The following FSD1L variants were observed in gnomAD, a reference collection of about 807,000 sequenced individuals.
The protein encoded by FSD1L is fibronectin type III and SPRY domain containing 1 like.
In FSD1L, 45 loss-of-function variants were observed where a neutral mutation model predicts 71.6. The observed-to-expected ratio is 0.63, with a 90% CI of 0.49 to 0.81. The LOEUF (loss-of-function observed/expected upper bound fraction) is 0.81, where lower values mean the gene tolerates loss of function less well. FSD1L is among the 30% of genes least tolerant of loss of function. The pLI is 0.00. For missense variants in FSD1L, 561 were observed against 618.1 expected (o/e 0.91, Z 0.98); for synonymous variants, 197 against 207.2 (o/e 0.95, Z 0.42).
At position 105,482,151 on chromosome 9, in the gene FSD1L, T is replaced by C. The variant is rs374097973; in HGVS notation, c.465-2230T>C. On this transcript the variant is annotated intron_variant, in intron 6 of 13. Coordinates refer to ENST00000481272, the MANE Select transcript of FSD1L (RefSeq NM_001145313.3). ...ACATATCTGAGCAAGAAATCAAATA[T>C]AAAAAATGAAAATGTCTGTGAAAAC... is the stretch of plus-strand genomic sequence containing the variant. Among the ~76,000 whole-genome samples, 96 of 152,228 alleles carry C rather than the reference T, an allele frequency of 6.3e-4. 1 individual carries two copies. In the South Asian group the frequency reaches 0.019, roughly 31 times the overall value.
intron 8 of FSD1L, among the ~76,000 whole-genome samples, chr9:105,506,909 C>G (rs1483953765): frequency 6.6e-6 from 1 of 151,950 alleles, no homozygotes; most frequent in Non-Finnish European, 1.5e-5. Flanking sequence ...CAAGCTGGGA[C>G]TATAGGCACA....
rs186260949 is a variant in FSD1L, at chr9:105,505,821, C to T, written c.587-578C>T. On this transcript the variant is annotated intron_variant, in intron 7 of 13. Coordinates refer to ENST00000481272, the MANE Select transcript of FSD1L (RefSeq NM_001145313.3). The stretch of plus-strand genomic sequence containing the variant: ...TAGTTTCACCCAGTTCAGACAAGTC[C>T]GTATCACTGGAGGAACATGTTCTAC... Among the ~76,000 whole-genome samples, 307 of 152,270 alleles carry T rather than the reference C, an allele frequency of 2.0e-3. 1 individual carries two copies. Among genetic ancestry groups the T allele is most frequent in the Middle Eastern group, 3.4e-3 (1 of 294 alleles).
intron 10 of FSD1L, among the ~76,000 whole-genome samples, chr9:105,519,496 A>T (rs964872127): frequency 6.6e-6 from 1 of 152,238 alleles, no homozygotes; most frequent in East Asian, 1.9e-4. Context: ...CTGGTTCAAC[A>T]TATAGAAATC....
At chr9:105,521,239 G>A (rs1835133467) in intron 10 of FSD1L, 5 of 1,614,214 alleles carry the variant, frequency 3.1e-6, no homozygotes. Flanking sequence ...GGGATGGAAG[G>A]TGAAGTCTTG....
chr9:105,474,355 G>A (rs140787155), intron 5 of FSD1L, among the ~76,000 whole-genome samples: 221 of 152,306 alleles, frequency 1.5e-3, no homozygotes, highest in African/African-American at 5.0e-3. Context: ...TAGTTATGTG[G>A]CACATTACTG....
chr9:105,501,154 C>T (rs983534580), intron 7 of FSD1L, among the ~76,000 whole-genome samples: 2 of 152,238 alleles, frequency 1.3e-5, no homozygotes, highest in Non-Finnish European at 2.9e-5. Context: ...TTTTTGCACA[C>T]ATTCAAGGTG....
chr9:105,535,287 A>G lies in FSD1L; in HGVS notation c.1347A>G (p.Glu449=). Residue 449 remains glutamate (E), a synonymous_variant, in exon 12 of 14, where the codon GAA becomes GAG. Coordinates refer to ENST00000481272, the MANE Select transcript of FSD1L (RefSeq NM_001145313.3). The stretch of plus-strand genomic sequence containing the variant: ...AAGCTTTGGATGTTACTGTTCCTGA[A>G]AAAATAGGTGTATTTTGTGATTTTG... The part of the protein sequence containing the change: ...KVKALDVTVP[E]KIGVFCDFDG... The G allele has an allele frequency of 1.3e-6, 2 of 1,551,600 alleles. No homozygotes were observed. The highest frequency in any genetic ancestry group is 1.7e-6 in the Non-Finnish European group (2 of 1,146,914).
intron 6 of FSD1L, among the ~76,000 whole-genome samples, chr9:105,482,035 G>T (rs866184354): frequency 6.6e-6 from 1 of 152,082 alleles, no homozygotes; most frequent in African/African-American, 2.4e-5. Flanking sequence ...TCAGCCTTCC[G>T]AAGTGCTGGG....
At chr9:105,497,955 T>TAGTTAG (rs1833519667) in intron 7 of FSD1L, among the ~76,000 whole-genome samples, 1 of 152,072 alleles carries the variant, frequency 6.6e-6, no homozygotes, top group Non-Finnish European at 1.5e-5. Context: ...GGGATCTTCC[T>TAGTTAG]GCCACAGCCT....
In FSD1L at chr9:105,546,338, GT is replaced by G; in HGVS notation, c.1468-13del. ...TCTAGTTTGATTTGCAATCTGACAG[GT>G]TTTTTTGTCTTTTCTTAGGTATGGT... On this transcript the variant is annotated intron_variant, in intron 13 of 13. Coordinates refer to ENST00000481272, the MANE Select transcript of FSD1L (RefSeq NM_001145313.3). 2.0e-6 allele frequency: 3 copies of G among 1,503,938 alleles called. No individual in the cohort carries two copies. Among genetic ancestry groups the G allele is most frequent in the South Asian group, 1.3e-5 (1 of 76,360 alleles). 93.2% of individuals were successfully genotyped at this position (1,503,938 alleles called of 1,614,324 possible).
At chr9:105,513,316 C>T (rs1421555842) in intron 10 of FSD1L, among the ~76,000 whole-genome samples, 1 of 152,126 alleles carries the variant, frequency 6.6e-6, no homozygotes, top group Non-Finnish European at 1.5e-5. Flanking sequence ...AGGTACAACC[C>T]TAGGGTCTTG....
At chr9:105,451,481 T>C (rs1404835526) in intron 1 of FSD1L, among the ~76,000 whole-genome samples, 1 of 152,212 alleles carries the variant, frequency 6.6e-6, no homozygotes, top group African/African-American at 2.4e-5. Flanking sequence ...TTTTTGTTTG[T>C]GAAAATAACT....
chr9:105,484,087 G>T (rs979556222), intron 6 of FSD1L, among the ~76,000 whole-genome samples: 2 of 152,026 alleles, frequency 1.3e-5, no homozygotes, highest in Non-Finnish European at 2.9e-5. Context: ...TGTTGAGTCT[G>T]GTAAGGATTA....
At chr9:105,494,155 G>C (rs1271780611) in intron 7 of FSD1L, among the ~76,000 whole-genome samples, 3 of 151,970 alleles carry the variant, frequency 2.0e-5, no homozygotes, top group Non-Finnish European at 4.4e-5. Flanking sequence ...ACATAGATTT[G>C]GTCTTTTCAC....
intron 7 of FSD1L, among the ~76,000 whole-genome samples, chr9:105,495,847 C>T (rs957567949): frequency 1.1e-4 from 17 of 151,848 alleles, no homozygotes; most frequent in African/African-American, 2.9e-4. Context: ...TAGTGATGGG[C>T]GCATGTAGTC....
chr9:105,468,206 A>T lies in FSD1L; in HGVS notation c.221A>T (p.Asn74Ile), dbSNP rs1208319669. Residue 74 changes from asparagine (N) to isoleucine (I), a missense_variant, in exon 4 of 14, where the codon AAC becomes ATC. By Grantham distance (149) the Asn-to-Ile change is moderately radical. Transcript: ENST00000481272. ...TLKGVQENSS[N>I]ILSELDEEFD... ...TTTTTTAAACAGGAAAATTCGTCCA[A>T]CATACTCTCAGAGTTAGATGAAGAA... 1 of 1,412,542 alleles carries T rather than the reference A, an allele frequency of 7.1e-7. No homozygotes were observed. The highest frequency in any genetic ancestry group is 9.2e-7 in the Non-Finnish European group (1 of 1,084,850). The allele number at this position is 1,412,542 out of a possible 1,614,324, so 87.5% of individuals were successfully genotyped here. A position where few individuals can be genotyped will look rare whatever the true frequency, so the allele number is the denominator to read the frequency against.
intron 3 of FSD1L, among the ~76,000 whole-genome samples, chr9:105,466,692 C>CAA (rs11300881): frequency 7.7e-5 from 11 of 143,490 alleles, no homozygotes; most frequent in African/African-American, 2.8e-4. Context: ...GACTCTGTCT[C>CAA]AAAAAAAAAA....
intron 7 of FSD1L, among the ~76,000 whole-genome samples, chr9:105,498,629 C>T (rs1361744923): frequency 6.6e-6 from 1 of 152,174 alleles, no homozygotes; most frequent in Non-Finnish European, 1.5e-5. Context: ...GCTTATGGCT[C>T]ATGACCATAT....
At chr9:105,476,968 T>C (rs1302290744) in intron 5 of FSD1L, among the ~76,000 whole-genome samples, 1 of 152,206 alleles carries the variant, frequency 6.6e-6, no homozygotes, top group Admixed American at 6.5e-5. Flanking sequence ...TCAGTTTTAC[T>C]AGCTGGGTAT....
Sources: gnomAD v4.1 joint callset for allele counts (sites outside exome capture counted in the v4.1 genomes callset) on GRCh38, gnomAD v4.1.1 for gene constraint, MANE v1.5 for transcripts, NCBI Gene and HGNC (gene_info 2026-07-23, HGNC 2026-07-21) for gene names.